Variants in FZD6 observed in about 807,000 individuals in gnomAD.
FZD6 encodes the protein frizzled-6.
FZD6 carries 49 observed loss-of-function variants against 61.4 expected under a neutral mutation model. The ratio of observed to expected loss-of-function variants is 0.80; its 90% CI spans 0.63 to 1.01. The LOEUF (loss-of-function observed/expected upper bound fraction) is 1.01, where lower values mean the gene tolerates loss of function less well. Ranked by LOEUF, FZD6 falls within the 50% of genes least tolerant of loss-of-function variation. The probability of loss-of-function intolerance (pLI) is 0.00; values close to 1 mark genes in which losing one functional copy is unlikely to be tolerated. For synonymous variants in FZD6, 265 were observed against 292.2 expected, an observed-to-expected ratio of 0.91 and a Z score of 0.95; for missense variants, 724 against 848.2, an observed-to-expected ratio of 0.85 and a Z score of 1.82.
At chr8:103,301,135 A>G (rs924122817) in intron 2 of FZD6, among the ~76,000 whole-genome samples, 3 of 152,116 alleles carry the variant, frequency 2.0e-5, no homozygotes, top group East Asian at 1.9e-4. Flanking sequence ...TATATATACT[A>G]TTTTTAAAAT....
intron 2 of FZD6, among the ~76,000 whole-genome samples, chr8:103,301,387 C>T (rs890944059): frequency 2.6e-5 from 4 of 152,038 alleles, no homozygotes; most frequent in Non-Finnish European, 5.9e-5. Flanking sequence ...GAATCAGAAC[C>T]ATTTTGATGG....
intron 2 of FZD6, among the ~76,000 whole-genome samples, chr8:103,312,968 T>G (rs189588532): frequency 4.6e-5 from 7 of 152,340 alleles, no homozygotes; most frequent in Admixed American, 3.3e-4. Flanking sequence ...TTCATCCTCA[T>G]TGGCATTTTT....
intron 2 of FZD6, among the ~76,000 whole-genome samples, chr8:103,302,150 G>T (rs540273341): frequency 2.9e-4 from 44 of 152,070 alleles, no homozygotes; most frequent in Non-Finnish European, 5.3e-4. Context: ...AAAGGAAAGA[G>T]AAATGAAAAG....
intron 4 of FZD6, 105 bp downstream of exon 4, chr8:103,325,603 A>G: frequency 1.1e-6 from 1 of 937,460 alleles, no homozygotes; most frequent in East Asian, 2.4e-5. Context: ...AGGTGAGAAA[A>G]TACAAGAGCC....
chr8:103,328,247 A>G, intron 4 of FZD6, 21 bp from the exon 5 acceptor site: 2 of 1,581,642 alleles, frequency 1.3e-6, no homozygotes, highest in Non-Finnish European at 1.7e-6. Context: ...TGAAAATATT[A>G]TTATTCACTA....
chr8:103,328,223 T>C, intron 4 of FZD6, 45 bp from the exon 5 acceptor site: 1 of 1,467,816 alleles, frequency 6.8e-7, no homozygotes, highest in Non-Finnish European at 9.5e-7. Flanking sequence ...TTCTTTCCAC[T>C]TTAAGTGCAT....
At position 103,330,080 on chromosome 8, in the gene FZD6, T is replaced by C; in HGVS notation, c.1952+15T>C. On this transcript the variant is annotated intron_variant, in intron 6 of 6. Transcript: ENST00000358755. Reference sequence around the variant, plus strand: ...AGTGAAGGAAGGTGAGATTTGATTTTATGTAAAATCATCACTATTTTAAAT... The same window carrying C: ...AGTGAAGGAAGGTGAGATTTGATTTCATGTAAAATCATCACTATTTTAAAT... 6.2e-7 allele frequency: 1 copy of C among 1,606,008 alleles called. No homozygotes were observed. The highest frequency in any genetic ancestry group is 1.1e-5 in the South Asian group (1 of 90,894).
chr8:103,328,877 A>G (rs1815034035), intron 5 of FZD6, among the ~76,000 whole-genome samples: 1 of 151,180 alleles, frequency 6.6e-6, no homozygotes, highest in Admixed American at 6.6e-5. Context: ...GTCATTATTT[A>G]CTAACTTTAA....
At chr8:103,311,860 C>G (rs1366102929) in intron 2 of FZD6, among the ~76,000 whole-genome samples, 2 of 152,198 alleles carry the variant, frequency 1.3e-5, no homozygotes, top group South Asian at 2.1e-4. Flanking sequence ...TCGAGTTCAT[C>G]ACTGTCACTT....
At chr8:103,314,658 C>G (rs1296393797) in intron 2 of FZD6, among the ~76,000 whole-genome samples, 1 of 152,218 alleles carries the variant, frequency 6.6e-6, no homozygotes, top group Non-Finnish European at 1.5e-5. Context: ...GGTCCAACAT[C>G]CTTCATAGCT....
intron 3 of FZD6, among the ~76,000 whole-genome samples, chr8:103,321,907 A>C (rs1814800397): frequency 6.6e-6 from 1 of 151,996 alleles, no homozygotes; most frequent in Non-Finnish European, 1.5e-5. Flanking sequence ...TGTGGAATCT[A>C]ATTTTCTGTT....
chr8:103,301,594 TGGG>T (rs1167803643), intron 2 of FZD6, among the ~76,000 whole-genome samples: 1 of 152,136 alleles, frequency 6.6e-6, no homozygotes, highest in African/African-American at 2.4e-5. Context: ...CTTTTAGAGA[TGGG>T]GTCTTACTAT....
chr8:103,326,025 A>G (rs926800999), intron 4 of FZD6, among the ~76,000 whole-genome samples: 13 of 152,212 alleles, frequency 8.5e-5, no homozygotes, highest in African/African-American at 3.1e-4. Flanking sequence ...TCTGATTCTT[A>G]TGATTAGTAT....
At chr8:103,305,690 G>A (rs1377531894) in intron 2 of FZD6, among the ~76,000 whole-genome samples, 2 of 152,224 alleles carry the variant, frequency 1.3e-5, no homozygotes, top group Non-Finnish European at 2.9e-5. Context: ...AGCCAGTTGC[G>A]TGTATAATGA....
At chr8:103,327,940 A>G (rs892814228) in intron 4 of FZD6, among the ~76,000 whole-genome samples, 2 of 152,174 alleles carry the variant, frequency 1.3e-5, no homozygotes, top group Non-Finnish European at 2.9e-5. Flanking sequence ...ATAGGTACAT[A>G]TTTAGAGGCA....
At position 103,331,330 on chromosome 8, in the gene FZD6, C is replaced by G. The variant is rs780187520; in HGVS notation, c.1953-11C>G. 6.2e-7 allele frequency: 1 copy of G among 1,604,430 alleles called. No individual in the cohort carries two copies. Among genetic ancestry groups the G allele is most frequent in the South Asian group, 1.1e-5 (1 of 90,850 alleles). On this transcript the variant is annotated splice_polypyrimidine_tract_variant and intron_variant, in intron 6 of 6. Transcript: ENST00000358755. The stretch of plus-strand genomic sequence containing the variant: ...GGATGTGTGTGTGTCAACTTTTTTT[C>G]TTTTATCTAGGATTAGTCCAAAGAG...
intron 2 of FZD6, 61 bp from the exon 3 acceptor site, chr8:103,318,529 T>A: frequency 1.1e-6 from 1 of 930,690 alleles, no homozygotes; most frequent in Non-Finnish European, 1.8e-6. Context: ...ACAGTAAATA[T>A]ATTAATTTTA....
intron 2 of FZD6, among the ~76,000 whole-genome samples, chr8:103,316,225 TCTGA>T (rs1370588185): frequency 9.2e-5 from 14 of 152,316 alleles, no homozygotes; most frequent in East Asian, 3.9e-4. Context: ...TGTAACAATG[TCTGA>T]CTATTTTTAG....
chr8:103,311,281 C>T (rs905889350), intron 2 of FZD6, among the ~76,000 whole-genome samples: 3 of 152,132 alleles, frequency 2.0e-5, no homozygotes, highest in Non-Finnish European at 2.9e-5. Flanking sequence ...AACCCTCTCC[C>T]CAGGAATCAC....
Sources: allele counts gnomAD v4.1 joint callset (sites outside exome capture counted in the v4.1 genomes callset), GRCh38; gene constraint gnomAD v4.1.1; transcripts MANE v1.5; gene names NCBI Gene and HGNC (gene_info 2026-07-23, HGNC 2026-07-21).